UBL3: variants seen among roughly 807,000 people sequenced by gnomAD.
UBL3 encodes ubiquitin-like protein 3.
In UBL3, 6 loss-of-function variants were observed where a neutral mutation model predicts 18.4. That is an observed-to-expected ratio of 0.33 (90% CI 0.18 to 0.64). The LOEUF is 0.64. Ranked by LOEUF, UBL3 falls within the 30% of genes least tolerant of loss-of-function variation. The pLI is 0.76. For synonymous variants in UBL3, 49 were observed against 46.6 expected (o/e 1.05, Z -0.21); for missense variants, 109 against 142.9 (o/e 0.76, Z 1.21).
At chr13:29,810,793 ACT>A (rs1189572070) in intron 1 of UBL3, among the ~76,000 whole-genome samples, 1 of 152,110 alleles carries the variant, frequency 6.6e-6, no homozygotes, top group Non-Finnish European at 1.5e-5. Context: ...GGAAACCAGC[ACT>A]CTGCTTAGGA....
chr13:29,839,843 C>T (rs918555523), intron 1 of UBL3, among the ~76,000 whole-genome samples: 1 of 149,732 alleles, frequency 6.7e-6, no homozygotes, highest in South Asian at 2.1e-4. Flanking sequence ...AGGAGAATGG[C>T]GTGAACCCGG....
chr13:29,815,096 A>G (rs1162895247), intron 1 of UBL3, among the ~76,000 whole-genome samples: 4 of 152,138 alleles, frequency 2.6e-5, no homozygotes, highest in Non-Finnish European at 2.9e-5. Flanking sequence ...CCCATCCCCT[A>G]TGAATTGTCC....
At position 29,765,347 on chromosome 13, in the gene UBL3, T is replaced by G. The variant is rs1221687606; in HGVS notation, c.*1908A>C. ...CTAACAGAATTCACATTTCAGCTAG[T>G]CAACAAAGCATATAAATATTTAACA... On this transcript the variant is annotated 3_prime_UTR_variant, in exon 5 of 5. Coordinates refer to ENST00000380680, the MANE Select transcript of UBL3 (RefSeq NM_007106.4). 6.6e-6 allele frequency: 1 copy of G among 152,142 alleles called. No individual in the cohort carries two copies. The highest frequency in any genetic ancestry group is 1.5e-5 in the Non-Finnish European group (1 of 67,986). The allele number at this position is 152,142 out of a possible 1,614,324, so 9.4% of individuals were successfully genotyped here. A position where few individuals can be genotyped will look rare whatever the true frequency, so the allele number is the denominator to read the frequency against.
chr13:29,828,374 G>GT (rs1878679900), intron 1 of UBL3, among the ~76,000 whole-genome samples: 1 of 151,548 alleles, frequency 6.6e-6, no homozygotes, highest in Non-Finnish European at 1.5e-5. Flanking sequence ...GGCTTTGTTC[G>GT]TTTTTTACTC....
At chr13:29,849,190 G>A (rs1879304930) in intron 1 of UBL3, among the ~76,000 whole-genome samples, 1 of 152,170 alleles carries the variant, frequency 6.6e-6, no homozygotes, top group East Asian at 1.9e-4. Context: ...TGTCCCTGAC[G>A]TTTTCAGAAA....
At chr13:29,835,125 AATATATATATATATATATATATATATAT>A (rs59643985) in intron 1 of UBL3, among the ~76,000 whole-genome samples, 2,426 of 23,416 alleles carry the variant, frequency 0.1, 255 homozygotes, top group Middle Eastern at 0.22. Context: ...TATATATATA[AATATATATATATATATATATATATATAT>A]ATATATATAT....
At chr13:29,790,639 T>C (rs1475021459) in intron 1 of UBL3, among the ~76,000 whole-genome samples, 1 of 152,168 alleles carries the variant, frequency 6.6e-6, no homozygotes, top group African/African-American at 2.4e-5. Context: ...TGTTTCCTTC[T>C]TGGAGATGTG....
intron 1 of UBL3, among the ~76,000 whole-genome samples, chr13:29,830,610 C>T (rs1047333395): frequency 6.6e-6 from 1 of 152,166 alleles, no homozygotes; most frequent in African/African-American, 2.4e-5. Flanking sequence ...GAACCAACAG[C>T]CCTACTATTC....
rs77411522 is a variant in UBL3, at chr13:29,765,883, T to A, written c.*1372A>T. The A allele has an allele frequency of 2.0e-5, 3 of 152,442 alleles. No individual in the cohort carries two copies. The highest frequency in any genetic ancestry group is 2.1e-4 in the South Asian group (1 of 4,822). 9.4% of individuals were successfully genotyped at this position (152,442 alleles called of 1,614,324 possible). On this transcript the variant is annotated 3_prime_UTR_variant, in exon 5 of 5. Coordinates refer to ENST00000380680, the MANE Select transcript of UBL3 (RefSeq NM_007106.4). ...AATGTTTGTAAGGGCTGTTGACACTTAGTACAGAATGTAATGTCAGCCTGC... is the reference window on the plus strand; with the variant it reads ...AATGTTTGTAAGGGCTGTTGACACTAAGTACAGAATGTAATGTCAGCCTGC...
Position 29,849,613 on chromosome 13 carries a change from C to T in UBL3, c.-75G>A, listed in dbSNP as rs1879318226. The T allele has an allele frequency of 3.2e-6, 5 of 1,574,178 alleles. No individual in the cohort carries two copies. Among genetic ancestry groups the T allele is most frequent in the Non-Finnish European group, 4.3e-6 (5 of 1,150,338 alleles). ...AAAAAGAGCAGAAGTCTTCACGTTA[C>T]AGAAATAAACCACGATTTTGACTGG... On this transcript the variant is annotated 5_prime_UTR_variant, in exon 1 of 5. Transcript: ENST00000380680.
chr13:29,803,846 T>C (rs1877834514), intron 1 of UBL3, among the ~76,000 whole-genome samples: 2 of 152,074 alleles, frequency 1.3e-5, no homozygotes, highest in East Asian at 1.9e-4. Context: ...AGTTTGAGGC[T>C]TCAACATCCC....
intron 1 of UBL3, among the ~76,000 whole-genome samples, chr13:29,779,512 T>C (rs574804859): frequency 2.6e-4 from 39 of 152,312 alleles, no homozygotes; most frequent in Non-Finnish European, 4.3e-4. Context: ...CAAATTATAA[T>C]ATTTAAAAAT....
At chr13:29,816,249 T>C (rs1229878989) in intron 1 of UBL3, among the ~76,000 whole-genome samples, 1 of 152,144 alleles carries the variant, frequency 6.6e-6, no homozygotes, top group African/African-American at 2.4e-5. Context: ...CTAGAGTCCC[T>C]TCTCCTCAAT....
intron 1 of UBL3, among the ~76,000 whole-genome samples, chr13:29,835,111 TATATATATATATAA>T (rs1878900214): frequency 2.5e-4 from 6 of 24,208 alleles, no homozygotes; most frequent in African/African-American, 1.3e-3. Context: ...TATATAAATA[TATATATATATATAA>T]ATATATATAT....
At chr13:29,810,057 C>T (rs1200270377) in intron 1 of UBL3, among the ~76,000 whole-genome samples, 1 of 151,864 alleles carries the variant, frequency 6.6e-6, no homozygotes, top group Non-Finnish European at 1.5e-5. Flanking sequence ...ATATGAAAGG[C>T]CCACTGTATA....
rs74044747 is a variant in UBL3 at position 29,812,657 on chromosome 13, G to A, written c.28-35394C>T. On this transcript the variant is annotated intron_variant, in intron 1 of 4. Transcript: ENST00000380680. ...TTTAAAAATTGATATATGAGATTCA[G>A]TTACCAGAAAACCTTAAGCATGTTT... 2.3e-3 allele frequency among the ~76,000 whole-genome samples: 351 copies of A among 152,062 alleles called. 3 individuals carry two copies. The highest frequency in any genetic ancestry group is 8.3e-3 in the African/African-American group (346 of 41,512).
At chr13:29,785,932 G>T (rs1436518169) in intron 1 of UBL3, among the ~76,000 whole-genome samples, 3 of 152,202 alleles carry the variant, frequency 2.0e-5, no homozygotes, top group Admixed American at 2.0e-4. Flanking sequence ...GCAGCAGTGG[G>T]TCTGAGATTC....
At chr13:29,821,066 G>A (rs1878422100) in intron 1 of UBL3, among the ~76,000 whole-genome samples, 1 of 152,144 alleles carries the variant, frequency 6.6e-6, no homozygotes, top group South Asian at 2.1e-4. Flanking sequence ...TAATAGCATT[G>A]TAGGGAAATT....
chr13:29,815,921 C>T (rs1878266605), intron 1 of UBL3, among the ~76,000 whole-genome samples: 1 of 152,148 alleles, frequency 6.6e-6, no homozygotes, highest in African/African-American at 2.4e-5. Context: ...AAGTTTAACA[C>T]CTTTCAATAT....
Sources: allele counts gnomAD v4.1 joint callset (sites outside exome capture counted in the v4.1 genomes callset), GRCh38; gene constraint gnomAD v4.1.1; transcripts MANE v1.5; gene names NCBI Gene and HGNC (gene_info 2026-07-23, HGNC 2026-07-21).